TTN: variants seen among roughly 807,000 people sequenced by gnomAD.
TTN encodes connectin.
A neutral mutation model predicts 3,223.0 loss-of-function variants in TTN; 1,525 were observed. That is an observed-to-expected ratio of 0.47 (90% CI 0.45 to 0.49). TTN has a LOEUF of 0.49. Ranked by LOEUF, TTN falls within the 20% of genes least tolerant of loss-of-function variation. TTN has a pLI of 0.00. For missense variants in TTN, 40,786 were observed against 43,424.0 expected (o/e 0.94, Z 5.40); for synonymous variants, 14,094 against 15,161.0 (o/e 0.93, Z 5.17).
intron 330 of TTN, chr2:178,556,500 C>T (rs1379789166): frequency 7.3e-6 from 2 of 272,228 alleles, no homozygotes; most frequent in African/African-American, 4.6e-5. Context: ...TAGTCTGTGG[C>T]TTATTTAAGA....
At position 178,571,007 on chromosome 2, in the gene TTN, A is replaced by G. The variant is rs775091036; in HGVS notation, c.75125T>C (p.Ile25042Thr). Reference sequence around the variant, plus strand: ...CTCAGGTAATTCTTTCTTCTCAACAATATAACCAGTGATCTTGCTTCCACC... The same window carrying G: ...CTCAGGTAATTCTTTCTTCTCAACAGTATAACCAGTGATCTTGCTTCCACC... ...YDGGSKITGY[I>T]VEKKELPEGR... Residue 25042 changes from isoleucine (I) to threonine (T), a missense_variant, in exon 326 of 363, where the codon ATT (isoleucine) becomes ACT (threonine). Ile to Thr is a moderately conservative substitution (Grantham distance 89). Transcript: ENST00000589042. 9 of 1,612,888 alleles carry G rather than the reference A, an allele frequency of 5.6e-6. No homozygotes were observed. The highest frequency in any genetic ancestry group is 1.6e-4 in the Middle Eastern group (1 of 6,074).
At position 178,663,834 on chromosome 2, in the gene TTN, C is replaced by G. The variant is rs1475969736; in HGVS notation, c.36433G>C (p.Val12145Leu). 1 of 1,613,470 alleles carries G rather than the reference C, an allele frequency of 6.2e-7. No individual in the cohort carries two copies. The highest frequency in any genetic ancestry group is 8.5e-7 in the Non-Finnish European group (1 of 1,179,826). The change falls in exon 170 of 363, where the codon GTC becomes CTC. Residue 12145 changes from valine (V) to leucine (L), a missense_variant. By Grantham distance (32) the Val-to-Leu change is conservative. Coordinates refer to ENST00000589042, the MANE Select transcript of TTN (RefSeq NM_001267550.2). ...VPLAPPKEPE[V>L]PPVKVPEPPK... is the part of the protein sequence containing the mutation. ...TGGCAACTACCTTTAACAGGTGGGACTTCAGGCTCTTTAGGAGGAGCCAAG... is the reference window on the plus strand; with the variant it reads ...TGGCAACTACCTTTAACAGGTGGGAGTTCAGGCTCTTTAGGAGGAGCCAAG...
intron 126 of TTN, 59 bp downstream of exon 126, chr2:178,688,618 G>A (rs1577440428): frequency 8.7e-7 from 1 of 1,149,128 alleles, no homozygotes; most frequent in East Asian, 2.3e-5. Flanking sequence ...TGTGGAAGAA[G>A]AAGAGACTTT....
At chr2:178,802,101 G>C (rs553676524) in intron 3 of TTN, 37 bp downstream of exon 3, 3 of 1,612,706 alleles carry the variant, frequency 1.9e-6, no homozygotes, top group East Asian at 2.2e-5. Context: ...GATGTCCTCT[G>C]GGGGAGCAGA....
In TTN at chr2:178,603,906, A is replaced by AAT. The variant is rs1195839016; in HGVS notation, c.54780_54781insAT (p.Ser18261IlefsTer32). ...GGATCTCCTGCAACCTCTGGATCTG[A>AAT]TGGTTCACTGGGAGGACCAATTCCT... On this transcript the variant is annotated frameshift_variant, in exon 282 of 363. Coordinates refer to ENST00000589042, the MANE Select transcript of TTN (RefSeq NM_001267550.2). LOFTEE classifies it high-confidence loss of function. The AAT allele has an allele frequency of 6.2e-7, 1 of 1,609,998 alleles. No homozygotes were observed. The highest frequency in any genetic ancestry group is 8.5e-7 in the Non-Finnish European group (1 of 1,177,180).
In TTN at chr2:178,756,728, T is replaced by G. The variant is rs745986519; in HGVS notation, c.10748A>C (p.Asp3583Ala). The G allele has an allele frequency of 1.2e-6, 2 of 1,613,748 alleles. No homozygotes were observed. The highest frequency in any genetic ancestry group is 2.7e-5 in the African/African-American group (2 of 74,936). The change falls in exon 46 of 363, where the codon GAT becomes GCT. Residue 3583 changes from aspartate to alanine, a missense_variant. By Grantham distance (126) the Asp-to-Ala change is moderately radical. Transcript: ENST00000589042. ...RESTKSQAVA[D>A]SSFTKEESKI... is the part of the protein sequence containing the mutation. ...GCTCTCCTCCTTTGTGAAAGAGGAATCTGCCACTGCCTGGGACTTGGTGGA... is the reference window on the plus strand; with the variant it reads ...GCTCTCCTCCTTTGTGAAAGAGGAAGCTGCCACTGCCTGGGACTTGGTGGA...
chr2:178,617,028 A>C lies in TTN; in HGVS notation c.47876-15T>G. Reference sequence around the variant, plus strand: ...TGTTGGTTCAACTACAAAGAAGAAAAGTTAATGAGTTTGCAGTGCCATATT... The same window carrying C: ...TGTTGGTTCAACTACAAAGAAGAAACGTTAATGAGTTTGCAGTGCCATATT... On this transcript the variant is annotated splice_polypyrimidine_tract_variant and intron_variant, in intron 255 of 362. Transcript: ENST00000589042. 1 of 1,612,074 alleles carries C rather than the reference A, an allele frequency of 6.2e-7. No homozygotes were observed. Among genetic ancestry groups the C allele is most frequent in the Non-Finnish European group, 8.5e-7 (1 of 1,178,906 alleles).
At chr2:178,797,684 A>G (rs2093843224) in intron 6 of TTN, among the ~76,000 whole-genome samples, 1 of 151,988 alleles carries the variant, frequency 6.6e-6, no homozygotes, top group Admixed American at 6.6e-5. Flanking sequence ...GTTTATTGTG[A>G]TACTTTTATG....
At position 178,714,334 on chromosome 2, in the gene TTN, C is replaced by T. The variant is rs1035364658; in HGVS notation, c.26440G>A (p.Asp8814Asn). 1 of 1,613,598 alleles carries T rather than the reference C, an allele frequency of 6.2e-7. No homozygotes were observed. Among genetic ancestry groups the T allele is most frequent in the Admixed American group, 1.7e-5 (1 of 59,996 alleles). Residue 8814 changes from aspartate (D) to asparagine (N), a missense_variant, in exon 91 of 363, where the codon GAT (aspartate) becomes AAT (asparagine). Physicochemically the swap from Asp to Asn is conservative, Grantham distance 23. Transcript: ENST00000589042. ...GCGAAGCACTCTTGCATCCCAGCAT[C>T]GTTTTTGATCTGACAAGTGTATTTT... The part of the protein sequence containing the change: ...AGKYTCQIKN[D>N]AGMQECFATL...
Position 178,632,235 on chromosome 2 carries a change from G to A in TTN, c.43659C>T (p.Ile14553=). 1.2e-6 allele frequency: 2 copies of A among 1,607,586 alleles called. No homozygotes were observed. Among genetic ancestry groups the A allele is most frequent in the Non-Finnish European group, 1.7e-6 (2 of 1,176,742 alleles). The change falls in exon 236 of 363, where the codon ATC becomes ATT. Residue 14553 remains isoleucine, a synonymous_variant. Transcript: ENST00000589042. ...CATCAATAGACAGGTCTTTGAATGT[G>A]ATCGAATGAGTTTTCCCTTCGTCTT... The part of the protein sequence containing the change: ...SMQDEGKTHS[I]TFKDLSIDDT...
At chr2:178,701,641 G>C in intron 109 of TTN, 54 bp from the exon 110 acceptor site, 13 of 1,544,846 alleles carry the variant, frequency 8.4e-6, no homozygotes, top group Non-Finnish European at 1.2e-5. Context: ...CTATTTATTA[G>C]AAAACTAAGG....
At chr2:178,595,874 T>A (rs1260020160) in intron 294 of TTN, 65 bp from the exon 295 acceptor site, 19 of 1,463,732 alleles carry the variant, frequency 1.3e-5, no homozygotes, top group Admixed American at 2.5e-5. Flanking sequence ...TCAACACTTG[T>A]TTTTTTAAAA....
rs760585965 is a variant in TTN, at chr2:178,605,659, A to G, written c.53636T>C (p.Ile17879Thr). ...GCGGGGCTCTTTCCAGTCAAGTGTG[A>G]TAGTGGACTTTGTCCTTTCAGTGTA... The part of the protein sequence containing the change: ...LTYTERTKST[I>T]TLDWKEPRSN... Residue 17879 changes from isoleucine (I) to threonine (T), a missense_variant, in exon 279 of 363, where the codon ATC (isoleucine) becomes ACC (threonine). Physicochemically the swap from Ile to Thr is moderately conservative, Grantham distance 89. Transcript: ENST00000589042. 71 of 1,607,814 alleles carry G rather than the reference A, an allele frequency of 4.4e-5. No individual in the cohort carries two copies. Among genetic ancestry groups the G allele is most frequent in the Non-Finnish European group, 5.8e-5 (68 of 1,175,990 alleles).
chr2:178,744,029 AGAGAATTCCCATGTT>A (rs1292516866), intron 47 of TTN, among the ~76,000 whole-genome samples: 1 of 151,978 alleles, frequency 6.6e-6, no homozygotes, highest in Non-Finnish European at 1.5e-5. Flanking sequence ...GATAGCTGTT[AGAGAATTCCCATGTT>A]GAGAATAAAG....
In TTN at chr2:178,675,693, T is replaced by C. The variant is rs1401482142; in HGVS notation, c.34515A>G (p.Lys11505=). The change falls in exon 149 of 363, where the codon AAA becomes AAG. Residue 11505 remains lysine, a synonymous_variant. Transcript: ENST00000589042. ...EKKVPPPGLK[K]AVAPPAKVPE... ...TACCTTTGGCAGGAGGGGCCACTGC[T>C]TTCTTAAGACCAGGAGGAGGGACCT... 7.0e-7 allele frequency: 1 copy of C among 1,421,376 alleles called. No homozygotes were observed. Among genetic ancestry groups the C allele is most frequent in the East Asian group, 2.5e-5 (1 of 39,710 alleles). The allele number at this position is 1,421,376 out of a possible 1,614,324, so 88.0% of individuals were successfully genotyped here.
At position 178,625,226 on chromosome 2, in the gene TTN, A is replaced by T. The variant is rs1341343573; in HGVS notation, c.44548+47T>A. 1.9e-6 allele frequency: 3 copies of T among 1,586,288 alleles called. No individual in the cohort carries two copies. The African/African-American group carries it at 4.1e-5, about 22-fold the overall frequency. ...AGATAATTGAGAGTTGGCATTGTTC[A>T]TGAGCCTCTGCCTTATACATGTTTT... On this transcript the variant is annotated intron_variant, in intron 241 of 362. Coordinates refer to ENST00000589042, the MANE Select transcript of TTN (RefSeq NM_001267550.2).
rs762953771 is a variant in TTN, at chr2:178,799,680, T to C, written c.721A>G (p.Ile241Val). 2 of 1,614,194 alleles carry C rather than the reference T, an allele frequency of 1.2e-6. No individual in the cohort carries two copies. The highest frequency in any genetic ancestry group is 2.2e-5 in the South Asian group (2 of 91,082). ...AGCTGTTGCCCAGCGGCACCATCTA[T>C]GACCATCTCAACTGTTGCAATTGAT... ...ARSIATVEMVIDGAAGQQLPH... is the reference protein window; with the variant it reads ...ARSIATVEMVVDGAAGQQLPH... The change falls in exon 6 of 363, where the codon ATA (isoleucine) becomes GTA (valine). Residue 241 changes from isoleucine to valine, a missense_variant. Coordinates refer to ENST00000589042, the MANE Select transcript of TTN (RefSeq NM_001267550.2).
rs6725673 is a variant in TTN at position 178,530,015 on chromosome 2, A to T, written c.106476T>A (p.Cys35492Ter). The T allele has an allele frequency of 6.2e-7, 1 of 1,608,452 alleles. No individual in the cohort carries two copies. Among genetic ancestry groups the T allele is most frequent in the South Asian group, 1.1e-5 (1 of 89,108 alleles). The change falls in exon 359 of 363, where the codon TGT (cysteine) becomes TGA (stop). Residue 35492 changes from cysteine to a stop codon, truncating the protein, a stop_gained. Transcript: ENST00000589042. LOFTEE classifies it high-confidence loss of function. ...CAGATCCAGCTGAATTTTTTACTGT[A>T]CAAGTATAAAGTCCACTGTCAGAAG... ...TDTSDSGLYT[C>*]TVKNSAGSVS...
Position 178,602,531 on chromosome 2 carries a change from G to C in TTN, c.54871C>G (p.Leu18291Val). 1 of 1,603,130 alleles carries C rather than the reference G, an allele frequency of 6.2e-7. No homozygotes were observed. Among genetic ancestry groups the C allele is most frequent in the Non-Finnish European group, 8.5e-7 (1 of 1,174,284 alleles). ...TCTTTGGCTGGAGGTTTCCATCCTA[G>C]TGAGATGCTTGACTTCGTTTTATCT... ...VKDKTKSSISLGWKPPAKDGG... is the reference protein window; with the variant it reads ...VKDKTKSSISVGWKPPAKDGG... Residue 18291 changes from leucine (L) to valine (V), a missense_variant, in exon 283 of 363, where the codon CTA (leucine) becomes GTA (valine). Coordinates refer to ENST00000589042, the MANE Select transcript of TTN (RefSeq NM_001267550.2).
Sources: gnomAD v4.1 joint callset for allele counts (sites outside exome capture counted in the v4.1 genomes callset) on GRCh38, gnomAD v4.1.1 for gene constraint, MANE v1.5 for transcripts, NCBI Gene and HGNC (gene_info 2026-07-23, HGNC 2026-07-21) for gene names.